NTM: variants seen among roughly 807,000 people sequenced by gnomAD.
NTM encodes the protein IgLON family member 2.
Under a neutral mutation model 42.1 loss-of-function variants are expected in NTM, and 13 were observed. The observed-to-expected ratio is 0.31, with a 90% confidence interval of 0.20 to 0.49. The LOEUF is 0.49. NTM is among the 20% of genes least tolerant of loss of function. The pLI, the probability that NTM is intolerant of heterozygous loss-of-function variation, is 0.99. For synonymous variants in NTM, 187 were observed against 179.2 expected (o/e 1.04, Z -0.35); for missense variants, 373 against 452.8 (o/e 0.82, Z 1.60).
chr11:132,270,650 TTTA>T, intron 4 of NTM, among the ~76,000 whole-genome samples: 1 of 140,374 alleles, frequency 7.1e-6, no homozygotes. Context: ...TAAATTTATT[TTTA>T]TTTTTTTTTT....
At chr11:131,933,700 G>C (rs115463295) in intron 2 of NTM, among the ~76,000 whole-genome samples, 1 of 151,924 alleles carries the variant, frequency 6.6e-6, no homozygotes, top group African/African-American at 2.4e-5. Context: ...CTATACCCAA[G>C]CAGAATAAGG....
At chr11:131,551,498 T>C (rs926687920) in intron 1 of NTM, among the ~76,000 whole-genome samples, 1 of 151,952 alleles carries the variant, frequency 6.6e-6, no homozygotes, top group Admixed American at 6.5e-5. Flanking sequence ...ATTCTCAGTG[T>C]ACACAGAGAC....
At chr11:132,302,470 A>G (rs2094901828) in intron 4 of NTM, among the ~76,000 whole-genome samples, 1 of 152,208 alleles carries the variant, frequency 6.6e-6, no homozygotes. Flanking sequence ...CTACGACTGT[A>G]CATGGTGTTC....
At chr11:131,852,287 C>T (rs2045643832) in intron 1 of NTM, among the ~76,000 whole-genome samples, 1 of 152,146 alleles carries the variant, frequency 6.6e-6, no homozygotes, top group Admixed American at 6.5e-5. Flanking sequence ...ATCTGTTCTT[C>T]CTGTCACCTT....
At chr11:132,087,847 G>C (rs1296128000) in intron 2 of NTM, among the ~76,000 whole-genome samples, 1 of 152,246 alleles carries the variant, frequency 6.6e-6, no homozygotes, top group Non-Finnish European at 1.5e-5. Context: ...GTCAGATCAA[G>C]TTGGATTAAT....
At chr11:132,037,297 C>T (rs182020339) in intron 2 of NTM, among the ~76,000 whole-genome samples, 2 of 152,244 alleles carry the variant, frequency 1.3e-5, no homozygotes, top group African/African-American at 4.8e-5. Flanking sequence ...GATTTCTGCA[C>T]ATGCCGGCTC....
intron 2 of NTM, among the ~76,000 whole-genome samples, chr11:132,087,753 GCTGGGCCAAGAAGAC>G (rs2059906645): frequency 6.6e-6 from 1 of 152,172 alleles, no homozygotes; most frequent in Non-Finnish European, 1.5e-5. Context: ...AAGCTTAAGT[GCTGGGCCAAGAAGAC>G]CTGGGGGAAG....
Position 131,959,289 on chromosome 11 carries a change from A to G in NTM, c.167+47641A>G, listed in dbSNP as rs575661440. On this transcript the variant is annotated intron_variant, in intron 2 of 8. Transcript: ENST00000683400. ...AATCTGCCTTGTGCCATGGAGGGAG[A>G]CACCATTTCTGTCTTAAAGTTCTTC... is the stretch of plus-strand genomic sequence containing the variant. Among the ~76,000 whole-genome samples the G allele has an allele frequency of 7.2e-5, 11 of 152,208 alleles. 1 individual carries two copies. In the South Asian group the frequency reaches 2.3e-3, roughly 32 times the overall value.
chr11:131,916,613 C>A (rs1022439174), intron 2 of NTM, among the ~76,000 whole-genome samples: 1 of 152,116 alleles, frequency 6.6e-6, no homozygotes, highest in African/African-American at 2.4e-5. Flanking sequence ...AAGGAAGCTG[C>A]GGCACTTTGC....
rs1030987714 is a variant in NTM at position 131,405,146 on chromosome 11, A to G, written c.82+34258A>G. ...AAATGGGCAAATCCCTTGGAATAGC[A>G]GAAGAGTTCTGATCAAGGGAGGCTG... On this transcript the variant is annotated intron_variant, in intron 1 of 8. Transcript: ENST00000683400. Among the ~76,000 whole-genome samples, 44 of 152,230 alleles carry G rather than the reference A, an allele frequency of 2.9e-4. 1 individual carries two copies. The highest frequency in any genetic ancestry group is 4.4e-5 in the Non-Finnish European group (3 of 68,040).
intron 6 of NTM, among the ~76,000 whole-genome samples, chr11:132,311,168 G>A (rs964311324): frequency 3.9e-5 from 6 of 152,166 alleles, no homozygotes; most frequent in Non-Finnish European, 7.3e-5. Flanking sequence ...GGCCGCCCAC[G>A]CTGTGTGCAC....
chr11:131,456,952 T>G (rs1042654897), intron 1 of NTM, among the ~76,000 whole-genome samples: 3 of 152,210 alleles, frequency 2.0e-5, no homozygotes, highest in African/African-American at 7.2e-5. Context: ...TGAGGTCCTA[T>G]GCTGGATGAC....
At chr11:131,658,150 C>T (rs532873699) in intron 1 of NTM, among the ~76,000 whole-genome samples, 3 of 152,140 alleles carry the variant, frequency 2.0e-5, no homozygotes, top group Admixed American at 6.6e-5. Flanking sequence ...TCTCCCAGGG[C>T]TAGGATCTTA....
Position 132,212,107 on chromosome 11 carries a change from A to G in NTM, c.486A>G (p.Arg162=). 1 of 1,613,860 alleles carries G rather than the reference A, an allele frequency of 6.2e-7. No individual in the cohort carries two copies. Among genetic ancestry groups the G allele is most frequent in the Non-Finnish European group, 8.5e-7 (1 of 1,179,856 alleles). The change falls in exon 4 of 9, where the codon AGA becomes AGG. Residue 162 remains arginine, a synonymous_variant. Transcript: ENST00000683400. ...NISLTCIATG[R]PEPTVTWRHI... is the part of the protein sequence containing the mutation. The stretch of plus-strand genomic sequence containing the variant: ...GCCTCACCTGCATAGCAACTGGTAG[A>G]CCAGAGCCTACGGTTACTTGGAGAC...
intron 4 of NTM, among the ~76,000 whole-genome samples, chr11:132,245,147 A>G (rs976047802): frequency 6.6e-5 from 10 of 152,312 alleles, no homozygotes; most frequent in Admixed American, 5.9e-4. Flanking sequence ...GGCCTGGCAG[A>G]GGACAGAGGT....
intron 2 of NTM, among the ~76,000 whole-genome samples, chr11:132,092,690 T>A (rs555122139): frequency 6.6e-6 from 1 of 152,340 alleles, no homozygotes; most frequent in East Asian, 1.9e-4. Context: ...CATTGTTTTC[T>A]TGATGTTTCC....
chr11:131,751,379 A>G (rs550106603), intron 1 of NTM, among the ~76,000 whole-genome samples: 9 of 152,160 alleles, frequency 5.9e-5, no homozygotes, highest in African/African-American at 2.2e-4. Context: ...TCACGAGGTC[A>G]GGGGATCGAG....
chr11:131,701,208 A>T (rs2076039392), intron 1 of NTM, among the ~76,000 whole-genome samples: 1 of 152,136 alleles, frequency 6.6e-6, no homozygotes, highest in African/African-American at 2.4e-5. Context: ...TTTTACCACC[A>T]CCTATATGCA....
intron 1 of NTM, among the ~76,000 whole-genome samples, chr11:131,851,248 A>G (rs911679660): frequency 6.6e-6 from 1 of 152,180 alleles, no homozygotes; most frequent in African/African-American, 2.4e-5. Flanking sequence ...ATAGAGCAGT[A>G]GCATCCTTAG....
Sources: gnomAD v4.1 joint callset for allele counts (sites outside exome capture counted in the v4.1 genomes callset) on GRCh38, gnomAD v4.1.1 for gene constraint, MANE v1.5 for transcripts, NCBI Gene and HGNC (gene_info 2026-07-23, HGNC 2026-07-21) for gene names.